Variants in GRID1 observed in about 807,000 individuals in gnomAD.
The protein encoded by GRID1 is glutamate receptor ionotropic, delta-1.
A neutral mutation model predicts 98.0 loss-of-function variants in GRID1; 28 were observed. That is an observed-to-expected ratio of 0.29 (90% CI 0.21 to 0.39). The LOEUF (loss-of-function observed/expected upper bound fraction) is 0.39. GRID1 is among the 10% of genes least tolerant of loss of function. The pLI is 1.00. For missense variants in GRID1, 1,111 were observed against 1,340.5 expected, an observed-to-expected ratio of 0.83 and a Z score of 2.67; for synonymous variants, 553 against 538.5, an observed-to-expected ratio of 1.03 and a Z score of -0.37.
At chr10:85,616,107 G>A (rs1842785228) in intron 14 of GRID1, among the ~76,000 whole-genome samples, 1 of 152,206 alleles carries the variant, frequency 6.6e-6, no homozygotes, top group South Asian at 2.1e-4. Flanking sequence ...ATAAAAGCTG[G>A]TTAGTAGTTG....
intron 3 of GRID1, among the ~76,000 whole-genome samples, chr10:86,179,547 G>A (rs919444457): frequency 2.0e-5 from 3 of 152,182 alleles, no homozygotes; most frequent in Non-Finnish European, 4.4e-5. Flanking sequence ...GAAAGCCACA[G>A]AGAACTGCAT....
At chr10:86,134,211 C>T (rs1844880574) in intron 4 of GRID1, among the ~76,000 whole-genome samples, 1 of 152,242 alleles carries the variant, frequency 6.6e-6, no homozygotes, top group African/African-American at 2.4e-5. Context: ...CTTTCCATAT[C>T]ATAGCCAGTC....
intron 3 of GRID1, among the ~76,000 whole-genome samples, chr10:86,166,986 T>C (rs533377584): frequency 1.8e-4 from 28 of 152,316 alleles, no homozygotes; most frequent in Admixed American, 4.6e-4. Context: ...GCAAGGAATC[T>C]GGGGCCTATT....
chr10:85,710,018 T>A (rs990682529), intron 12 of GRID1, among the ~76,000 whole-genome samples: 14 of 152,148 alleles, frequency 9.2e-5, no homozygotes, highest in African/African-American at 2.9e-4. Context: ...TGCTAATGGA[T>A]TGGAAGACTT....
chr10:85,691,681 A>G (rs1223826147), intron 12 of GRID1, among the ~76,000 whole-genome samples: 1 of 152,216 alleles, frequency 6.6e-6, no homozygotes, highest in African/African-American at 2.4e-5. Context: ...ATCAATTTCA[A>G]TAAGACAGTT....
At chr10:85,986,021 T>C (rs1842604369) in intron 4 of GRID1, among the ~76,000 whole-genome samples, 1 of 152,216 alleles carries the variant, frequency 6.6e-6, no homozygotes, top group Admixed American at 6.5e-5. Flanking sequence ...AAGCAAGAAG[T>C]TGGAGGCTAA....
intron 4 of GRID1, among the ~76,000 whole-genome samples, chr10:86,105,244 T>C (rs1270885224): frequency 6.6e-6 from 1 of 152,136 alleles, no homozygotes; most frequent in African/African-American, 2.4e-5. Context: ...ATAGCTTCAG[T>C]CTGCCCAAGA....
intron 3 of GRID1, among the ~76,000 whole-genome samples, chr10:86,201,526 G>A (rs1428989252): frequency 6.6e-6 from 1 of 152,078 alleles, no homozygotes; most frequent in Non-Finnish European, 1.5e-5. Context: ...TGGGGCCTAT[G>A]GGAGGGTGGA....
chr10:86,193,540 T>C (rs1287458745), intron 3 of GRID1, among the ~76,000 whole-genome samples: 1 of 151,208 alleles, frequency 6.6e-6, no homozygotes, highest in Non-Finnish European at 1.5e-5. Context: ...GCTAAGAACC[T>C]TCCTGCCATA....
At chr10:85,974,372 G>A (rs902058446) in intron 4 of GRID1, among the ~76,000 whole-genome samples, 14 of 152,188 alleles carry the variant, frequency 9.2e-5, no homozygotes, top group African/African-American at 3.4e-4. Flanking sequence ...AGGACTAAAT[G>A]GGATAATGTC....
intron 12 of GRID1, among the ~76,000 whole-genome samples, chr10:85,676,300 G>A (rs1841144995): frequency 6.6e-6 from 1 of 152,116 alleles, no homozygotes; most frequent in Non-Finnish European, 1.5e-5. Flanking sequence ...GCAGCCCACA[G>A]CCAGCAACTG....
intron 2 of GRID1, among the ~76,000 whole-genome samples, chr10:86,308,255 C>G (rs1279709097): frequency 6.6e-6 from 1 of 152,240 alleles, no homozygotes; most frequent in Non-Finnish European, 1.5e-5. Flanking sequence ...ACTGAGCCCA[C>G]CTCTGAGTGG....
intron 12 of GRID1, among the ~76,000 whole-genome samples, chr10:85,717,320 CA>C (rs112453811): frequency 2.4e-3 from 310 of 131,404 alleles, no homozygotes; most frequent in East Asian, 4.2e-3. Context: ...AAACTGGGAA[CA>C]AAAAAAAAAA....
At chr10:85,614,293 G>A (rs988775819) in intron 14 of GRID1, among the ~76,000 whole-genome samples, 2 of 152,232 alleles carry the variant, frequency 1.3e-5, no homozygotes, top group African/African-American at 4.8e-5. Flanking sequence ...GGTGAGTGCT[G>A]TCCACTGGAG....
chr10:86,239,170 T>A (rs1192007079), intron 2 of GRID1, among the ~76,000 whole-genome samples: 7 of 152,252 alleles, frequency 4.6e-5, no homozygotes, highest in Admixed American at 2.0e-4. Flanking sequence ...TGCCTGGATA[T>A]GAGACATAGA....
intron 12 of GRID1, 176 bp from the exon 13 acceptor site, chr10:85,647,573 G>A (rs1194531920): frequency 2.2e-5 from 13 of 596,996 alleles, no homozygotes; most frequent in South Asian, 1.4e-4. Context: ...GACTTGCAGC[G>A]CCTCATTCAA....
chr10:85,894,198 A>G (rs969587109), intron 5 of GRID1, among the ~76,000 whole-genome samples: 3 of 152,348 alleles, frequency 2.0e-5, no homozygotes, highest in Middle Eastern at 6.8e-3. Context: ...ATTTTTGACA[A>G]AAGATCCAAA....
intron 12 of GRID1, among the ~76,000 whole-genome samples, chr10:85,718,191 C>T (rs1329705783): frequency 6.6e-6 from 1 of 152,234 alleles, no homozygotes; most frequent in Non-Finnish European, 1.5e-5. Context: ...AGTAGGGACT[C>T]TGTGTAGGGA....
chr10:85,719,574 T>A (rs1189299590), intron 12 of GRID1, among the ~76,000 whole-genome samples: 1 of 152,070 alleles, frequency 6.6e-6, no homozygotes, highest in Non-Finnish European at 1.5e-5. Flanking sequence ...TAAACCCACA[T>A]CAGATCTCGT....
Sources: gnomAD v4.1 joint callset for allele counts (sites outside exome capture counted in the v4.1 genomes callset) on GRCh38, gnomAD v4.1.1 for gene constraint, MANE v1.5 for transcripts, NCBI Gene and HGNC (gene_info 2026-07-23, HGNC 2026-07-21) for gene names.